Variants in ZMYM6 observed in about 807,000 individuals in gnomAD.
ZMYM6 encodes zinc finger MYM-type containing 6.
A neutral mutation model predicts 134.0 loss-of-function variants in ZMYM6; 90 were observed. The observed-to-expected ratio is 0.67, with a 90% CI of 0.57 to 0.80. ZMYM6 has a LOEUF of 0.80. ZMYM6 is among the 30% of genes least tolerant of loss of function. The pLI is 0.00. For synonymous variants in ZMYM6, 481 were observed against 524.1 expected (o/e 0.92, Z 1.12); for missense variants, 1,362 against 1,533.9 (o/e 0.89, Z 1.87).
intron 14 of ZMYM6, among the ~76,000 whole-genome samples, chr1:35,001,800 A>T (rs1021719436): frequency 6.6e-6 from 1 of 152,210 alleles, no homozygotes; most frequent in African/African-American, 2.4e-5. Context: ...TTCCAATAAC[A>T]CAAATAATGA....
Position 34,992,363 on chromosome 1 carries a change from TCATAG to T in ZMYM6, c.2012_2016del (p.Ala671GlufsTer49), listed in dbSNP as rs1158714762. The stretch of plus-strand genomic sequence containing the variant: ...TGGGAAGATTGGGAAGATGGAAATT[TCATAG>T]CATCTTCCTGTGTACTTTCCTAGTT... On this transcript the variant is annotated frameshift_variant, in exon 15 of 16. Coordinates refer to ENST00000357182, the MANE Select transcript of ZMYM6 (RefSeq NM_007167.4). LOFTEE classifies it high-confidence loss of function. 3.7e-6 allele frequency: 6 copies of T among 1,614,026 alleles called. No individual in the cohort carries two copies. Among genetic ancestry groups the T allele is most frequent in the Non-Finnish European group, 4.2e-6 (5 of 1,179,938 alleles).
At chr1:35,015,736 A>G (rs1340848765) in intron 4 of ZMYM6, among the ~76,000 whole-genome samples, 2 of 134,266 alleles carry the variant, frequency 1.5e-5, no homozygotes, top group Non-Finnish European at 3.0e-5. Context: ...AAAAAAAAAA[A>G]AAAAAAAATA....
Position 35,031,916 on chromosome 1 carries a change from T to C in ZMYM6, c.-176A>G, listed in dbSNP as rs181097968. On this transcript the variant is annotated 5_prime_UTR_variant, in exon 1 of 16. An upstream start codon of the reference 5' UTR is lost. Transcript: ENST00000357182. ...CTCTTCTGGAATTCCGCCTGATCCA[T>C]CCCAACGCAACGACCGGCCAACCAC... 723 of 152,554 alleles carry C rather than the reference T, an allele frequency of 4.7e-3. 6 individuals carry two copies. The highest frequency in any genetic ancestry group is 0.017 in the African/African-American group (690 of 41,566). The allele number at this position is 152,554 out of a possible 1,614,324, so 9.5% of individuals were successfully genotyped here.
At chr1:34,990,346 G>T (rs759218358) in intron 15 of ZMYM6, 4 of 233,710 alleles carry the variant, frequency 1.7e-5, no homozygotes, top group Admixed American at 3.5e-5. Context: ...AGCTGGGCAT[G>T]GTGGCAGGTG....
At chr1:35,021,218 G>A (rs1474942792) in intron 2 of ZMYM6, among the ~76,000 whole-genome samples, 2 of 149,524 alleles carry the variant, frequency 1.3e-5, no homozygotes, top group African/African-American at 5.0e-5. Flanking sequence ...TTGGCTTACT[G>A]CAACCTCCAA....
At chr1:35,021,118 ATTT>A (rs375899509) in intron 2 of ZMYM6, among the ~76,000 whole-genome samples, 1 of 139,290 alleles carries the variant, frequency 7.2e-6, no homozygotes, top group Non-Finnish European at 1.6e-5. Context: ...GAAAAAAAAA[ATTT>A]TTTTTTTTTT....
intron 4 of ZMYM6, chr1:35,018,528 C>T (rs142255625): frequency 2.6e-5 from 4 of 151,438 alleles, no homozygotes; most frequent in Non-Finnish European, 2.9e-5. Context: ...AATAATCGCA[C>T]GATATAATTT....
intron 14 of ZMYM6, among the ~76,000 whole-genome samples, chr1:34,997,389 C>T (rs1292088723): frequency 6.6e-6 from 1 of 152,110 alleles, no homozygotes; most frequent in Non-Finnish European, 1.5e-5. Flanking sequence ...CTGCAACCTC[C>T]GCCTCCCGGG....
intron 14 of ZMYM6, among the ~76,000 whole-genome samples, chr1:34,999,838 G>A (rs1640849717): frequency 6.6e-6 from 1 of 152,134 alleles, no homozygotes; most frequent in Non-Finnish European, 1.5e-5. Flanking sequence ...AAATGAAAAT[G>A]CTCTTTGACC....
At chr1:34,990,285 C>A in intron 15 of ZMYM6, 1 of 273,452 alleles carries the variant, frequency 3.7e-6, no homozygotes. Context: ...TTGAGACCAG[C>A]GTTGCCAACA....
rs575527788 is a variant in ZMYM6 at position 35,004,950 on chromosome 1, C to T, written c.1954+182G>A. ...GCAGGCACCTGTAATCCCAGCTACTCGGGAGGCTGAGGCAGGAGAATTGCT... is the reference window on the plus strand; with the variant it reads ...GCAGGCACCTGTAATCCCAGCTACTTGGGAGGCTGAGGCAGGAGAATTGCT... On this transcript the variant is annotated intron_variant, in intron 13 of 15. Coordinates refer to ENST00000357182, the MANE Select transcript of ZMYM6 (RefSeq NM_007167.4). Among the ~76,000 whole-genome samples, 5 of 152,122 alleles carry T rather than the reference C, an allele frequency of 3.3e-5. No homozygotes were observed. The East Asian group carries it at 5.8e-4, about 18-fold the overall frequency.
At chr1:35,025,899 C>T (rs770062239) in intron 2 of ZMYM6, among the ~76,000 whole-genome samples, 22 of 152,064 alleles carry the variant, frequency 1.4e-4, no homozygotes, top group South Asian at 6.2e-4. Context: ...TTGTGAGCAT[C>T]GAATGGATTA....
chr1:35,017,621 T>A (rs2148457155), intron 4 of ZMYM6: 1 of 152,338 alleles, frequency 6.6e-6, no homozygotes, highest in East Asian at 1.9e-4. Flanking sequence ...CTAATTTTTT[T>A]AAGATAAAAC....
At chr1:35,030,401 CT>C in intron 2 of ZMYM6, 145 bp downstream of exon 2, 1 of 717,900 alleles carries the variant, frequency 1.4e-6, no homozygotes, top group Non-Finnish European at 2.3e-6. Flanking sequence ...CACCACTGCA[CT>C]ACACCCTCAG....
Position 35,014,775 on chromosome 1 carries a change from C to T in ZMYM6, c.717G>A (p.Gly239=). 1 of 1,614,170 alleles carries T rather than the reference C, an allele frequency of 6.2e-7. No homozygotes were observed. The part of the protein sequence containing the change: ...NLTMNCCENC[G]SYCYSSSGPC... ...GACCAGAGCTACTATAGCAATAGCT[C>T]CCACAGTTCTCACAACAGTTCATGG... is the stretch of plus-strand genomic sequence containing the variant. Residue 239 remains glycine, a synonymous_variant, in exon 6 of 16, where the codon GGG becomes GGA. Transcript: ENST00000357182.
chr1:35,030,785 T>C, intron 1 of ZMYM6, 72 bp from the exon 2 acceptor site: 1 of 744,136 alleles, frequency 1.3e-6, no homozygotes. Flanking sequence ...TTGTGTTGAG[T>C]GCATGAGGCT....
At chr1:35,023,937 T>G (rs1472425145) in intron 2 of ZMYM6, among the ~76,000 whole-genome samples, 1 of 152,184 alleles carries the variant, frequency 6.6e-6, no homozygotes, top group Non-Finnish European at 1.5e-5. Context: ...CAATAAAAAT[T>G]TCTTTGCCTT....
At position 35,011,032 on chromosome 1, in the gene ZMYM6, A is replaced by G; in HGVS notation, c.1067T>C (p.Val356Ala). Residue 356 changes from valine to alanine, a missense_variant, in exon 9 of 16, where the codon GTA (valine) becomes GCA (alanine). Around this residue, in one of 3 missense-constraint regions of ZMYM6, gnomAD observed 503 missense variants for 520.8 expected, o/e 0.97. Coordinates refer to ENST00000357182, the MANE Select transcript of ZMYM6 (RefSeq NM_007167.4). ...SSSCVVAFQN[V>A]FSKPKGTNSS... Reference sequence around the variant, plus strand: ...GTTTGTTCCTTTTGGCTTGCTAAATACATTCTGAATGAAAACAAATAAGGT... The same window carrying G: ...GTTTGTTCCTTTTGGCTTGCTAAATGCATTCTGAATGAAAACAAATAAGGT... 1 of 1,612,296 alleles carries G rather than the reference A, an allele frequency of 6.2e-7. No homozygotes were observed. Among genetic ancestry groups the G allele is most frequent in the Non-Finnish European group, 8.5e-7 (1 of 1,179,652 alleles).
intron 1 of ZMYM6, 64 bp downstream of exon 1, chr1:35,031,751 G>C (rs1641531320): frequency 1.3e-5 from 2 of 152,484 alleles, no homozygotes; most frequent in African/African-American, 4.8e-5. Context: ...CCGCCGCAAC[G>C]CCTCGTCACG....
Sources: gnomAD v4.1 joint callset for allele counts (sites outside exome capture counted in the v4.1 genomes callset) on GRCh38, gnomAD v4.1.1 for gene constraint, gnomAD v4.1.1 regional missense constraint, MANE v1.5 for transcripts, NCBI Gene and HGNC (gene_info 2026-07-23, HGNC 2026-07-21) for gene names.